The following CAMK2D variants were observed in gnomAD, a reference collection of about 807,000 sequenced individuals.
CAMK2D encodes calcium/calmodulin-dependent protein kinase type II subunit delta.
A neutral mutation model predicts 84.0 loss-of-function variants in CAMK2D; 37 were observed. The ratio of observed to expected loss-of-function variants is 0.44; its 90% CI spans 0.34 to 0.58. The LOEUF (loss-of-function observed/expected upper bound fraction) is 0.58, where lower values mean the gene tolerates loss of function less well. Ranked by LOEUF, CAMK2D falls within the 20% of genes least tolerant of loss-of-function variation. The probability of loss-of-function intolerance (pLI) is 0.02; values close to 1 mark genes in which losing one functional copy is unlikely to be tolerated. For synonymous variants in CAMK2D, 202 were observed against 212.5 expected (o/e 0.95, Z 0.43); for missense variants, 448 against 652.5 (o/e 0.69, Z 3.41).
At chr4:113,638,145 C>A (rs1310309127) in intron 3 of CAMK2D, among the ~76,000 whole-genome samples, 1 of 152,170 alleles carries the variant, frequency 6.6e-6, no homozygotes, top group East Asian at 1.9e-4. Context: ...TAATTCTGTG[C>A]ATTTACCCAT....
intron 2 of CAMK2D, among the ~76,000 whole-genome samples, chr4:113,711,070 A>C (rs2154354756): frequency 6.6e-6 from 1 of 151,536 alleles, no homozygotes; most frequent in Non-Finnish European, 1.5e-5. Context: ...CTTTAGGTTG[A>C]ATAAAATTCA....
At chr4:113,642,761 G>A (rs968315848) in intron 3 of CAMK2D, among the ~76,000 whole-genome samples, 37 of 150,346 alleles carry the variant, frequency 2.5e-4, no homozygotes, top group South Asian at 6.3e-4. Context: ...AGATGGAGTC[G>A]CGCTCTGCTA....
chr4:113,527,350 G>A (rs955075544), intron 8 of CAMK2D, among the ~76,000 whole-genome samples: 3 of 151,718 alleles, frequency 2.0e-5, no homozygotes, highest in South Asian at 2.1e-4. Flanking sequence ...GATCCTCCTG[G>A]GTTGGCCTCC....
chr4:113,496,158 G>C (rs891699783), intron 16 of CAMK2D, among the ~76,000 whole-genome samples: 24 of 152,140 alleles, frequency 1.6e-4, no homozygotes, highest in Non-Finnish European at 1.8e-4. Flanking sequence ...ACTGACTCTA[G>C]GCACACCCAC....
chr4:113,457,626 A>G (rs1190482029), intron 18 of CAMK2D, 63 bp from the exon 19 acceptor site: 4 of 1,269,418 alleles, frequency 3.2e-6, no homozygotes, highest in Non-Finnish European at 4.5e-6. Flanking sequence ...AAAACCAGTA[A>G]TAACTTCAGT....
At position 113,761,278 on chromosome 4, in the gene CAMK2D, A is replaced by C; in HGVS notation, c.-210T>G. 1.4e-6 allele frequency: 2 copies of C among 1,433,102 alleles called. No homozygotes were observed. The highest frequency in any genetic ancestry group is 2.9e-5 in the South Asian group (2 of 67,826). The allele number at this position is 1,433,102 out of a possible 1,614,324, so 88.8% of individuals were successfully genotyped here. A position where few individuals can be genotyped will look rare whatever the true frequency, so the allele number is the denominator to read the frequency against. The stretch of plus-strand genomic sequence containing the variant: ...GGGTGGCGTGGGGTCTCCTCCCCAC[A>C]GTCCGCCGATCCTCCTCCTCCTGCG... On this transcript the variant is annotated 5_prime_UTR_variant, in exon 1 of 21. Transcript: ENST00000511664.
At chr4:113,678,463 T>C (rs201745024) in intron 2 of CAMK2D, among the ~76,000 whole-genome samples, 16 of 90,644 alleles carry the variant, frequency 1.8e-4, no homozygotes, top group African/African-American at 7.7e-4. Flanking sequence ...TTCTGTGATT[T>C]TTTTTTTTTT....
At position 113,676,420 on chromosome 4, in the gene CAMK2D, T is replaced by C. The variant is rs559184777; in HGVS notation, c.161-14648A>G. Reference sequence around the variant, plus strand: ...CAGTGTCTCCTAGAGTGGCTTTTTTTTCAAACCATCAGGAATACCAGTCCA... The same window carrying C: ...CAGTGTCTCCTAGAGTGGCTTTTTTCTCAAACCATCAGGAATACCAGTCCA... On this transcript the variant is annotated intron_variant, in intron 2 of 20. Coordinates refer to ENST00000511664, the MANE Select transcript of CAMK2D (RefSeq NM_001321571.2). Among the ~76,000 whole-genome samples the C allele has an allele frequency of 1.2e-4, 19 of 152,308 alleles. No individual in the cohort carries two copies. The East Asian group carries it at 3.5e-3, about 28-fold the overall frequency.
At chr4:113,553,447 C>T (rs184897376) in intron 4 of CAMK2D, among the ~76,000 whole-genome samples, 55 of 152,202 alleles carry the variant, frequency 3.6e-4, no homozygotes, top group Non-Finnish European at 5.1e-4. Flanking sequence ...TCTTTTTGTT[C>T]ACTTGTTTGC....
At chr4:113,751,509 C>A (rs1486420869) in intron 2 of CAMK2D, among the ~76,000 whole-genome samples, 1 of 152,164 alleles carries the variant, frequency 6.6e-6, no homozygotes, top group Non-Finnish European at 1.5e-5. Context: ...CGGCGGCTAA[C>A]ACCTGTAATC....
At chr4:113,690,402 G>A (rs1196845666) in intron 2 of CAMK2D, among the ~76,000 whole-genome samples, 2 of 151,942 alleles carry the variant, frequency 1.3e-5, no homozygotes, top group African/African-American at 4.8e-5. Flanking sequence ...TGTTTAAGGA[G>A]GTAATTTAAA....
At position 113,654,533 on chromosome 4, in the gene CAMK2D, G is replaced by A. The variant is rs2099190200; in HGVS notation, c.220+7180C>T. On this transcript the variant is annotated intron_variant, in intron 3 of 20. Coordinates refer to ENST00000511664, the MANE Select transcript of CAMK2D (RefSeq NM_001321571.2). ...CTGTATTAATATTGAAAGTTTTTTA[G>A]TTAATGTTTATCTTATGTGAGGGGA... 3.3e-5 allele frequency among the ~76,000 whole-genome samples: 5 copies of A among 151,982 alleles called. No individual in the cohort carries two copies. In the South Asian group the frequency reaches 1.0e-3, roughly 32 times the overall value.
chr4:113,756,054 T>C (rs1434577994), intron 2 of CAMK2D, among the ~76,000 whole-genome samples: 1 of 152,024 alleles, frequency 6.6e-6, no homozygotes, highest in Admixed American at 6.6e-5. Flanking sequence ...GAATGTTCTA[T>C]GCACGCACAT....
chr4:113,663,415 A>G (rs1044251841), intron 2 of CAMK2D, among the ~76,000 whole-genome samples: 2 of 151,860 alleles, frequency 1.3e-5, no homozygotes, highest in African/African-American at 4.8e-5. Flanking sequence ...GCAAAATCTC[A>G]TCTCTACCAA....
chr4:113,622,776 A>G (rs1204619605), intron 3 of CAMK2D, among the ~76,000 whole-genome samples: 1 of 152,200 alleles, frequency 6.6e-6, no homozygotes, highest in Non-Finnish European at 1.5e-5. Flanking sequence ...ATATATAAAT[A>G]TGTATCTCCA....
At chr4:113,518,183 T>C (rs2154170846) in intron 8 of CAMK2D, among the ~76,000 whole-genome samples, 1 of 152,300 alleles carries the variant, frequency 6.6e-6, no homozygotes, top group East Asian at 1.9e-4. Context: ...CCTTTTCTTT[T>C]CAGTAATCTT....
chr4:113,492,361 C>T (rs1459244730), intron 16 of CAMK2D, among the ~76,000 whole-genome samples: 1 of 152,128 alleles, frequency 6.6e-6, no homozygotes, highest in African/African-American at 2.4e-5. Flanking sequence ...TCGTTGGTTT[C>T]AAAGAACATC....
intron 2 of CAMK2D, among the ~76,000 whole-genome samples, chr4:113,687,016 G>GA (rs1236533408): frequency 1.3e-5 from 2 of 151,616 alleles, no homozygotes; most frequent in African/African-American, 2.4e-5. Context: ...TCCCAGGAAG[G>GA]AAAAAAAATC....
intron 2 of CAMK2D, among the ~76,000 whole-genome samples, chr4:113,690,576 T>C (rs1426299232): frequency 6.6e-6 from 1 of 152,202 alleles, no homozygotes; most frequent in Non-Finnish European, 1.5e-5. Context: ...CAAAGTTGTA[T>C]TTTCAAAATA....
Sources: allele counts gnomAD v4.1 joint callset (sites outside exome capture counted in the v4.1 genomes callset), GRCh38; gene constraint gnomAD v4.1.1; transcripts MANE v1.5; gene names NCBI Gene and HGNC (gene_info 2026-07-23, HGNC 2026-07-21).